PXDNL: variants seen among roughly 807,000 people sequenced by gnomAD.
PXDNL encodes peroxidasin like, also known as probable oxidoreductase PXDNL.
A neutral mutation model predicts 150.8 loss-of-function variants in PXDNL; 145 were observed. The observed-to-expected ratio is 0.96, with a 90% confidence interval of 0.84 to 1.10. PXDNL has a LOEUF of 1.10. Among genes scored for constraint, PXDNL ranks in the 50% least tolerant of loss-of-function variants. The pLI, the probability that PXDNL is intolerant of heterozygous loss-of-function variation, is 0.00. For synonymous variants in PXDNL, 757 were observed against 725.7 expected, an observed-to-expected ratio of 1.04 and a Z score of -0.69; for missense variants, 2,087 against 1,873.9, an observed-to-expected ratio of 1.11 and a Z score of -2.10.
intron 1 of PXDNL, among the ~76,000 whole-genome samples, chr8:51,696,388 A>T (rs1816125796): frequency 6.6e-6 from 1 of 152,236 alleles, no homozygotes; most frequent in Admixed American, 6.5e-5. Context: ...CAAGCCAAGA[A>T]GATTCTCACT....
chr8:51,581,586 G>A (rs542184466), intron 3 of PXDNL, among the ~76,000 whole-genome samples: 10 of 151,900 alleles, frequency 6.6e-5, no homozygotes, highest in East Asian at 1.9e-4. Context: ...AGTTATCTTC[G>A]TGAGAAATTC....
At chr8:51,448,814 C>T (rs1028728359) in intron 11 of PXDNL, among the ~76,000 whole-genome samples, 188 bp downstream of exon 11, 6 of 152,178 alleles carry the variant, frequency 3.9e-5, no homozygotes, top group Non-Finnish European at 1.5e-5. Context: ...AGGCCACACA[C>T]TCAAATGCCA....
At chr8:51,672,987 G>A (rs1247162821) in intron 1 of PXDNL, among the ~76,000 whole-genome samples, 1 of 152,142 alleles carries the variant, frequency 6.6e-6, no homozygotes, top group Non-Finnish European at 1.5e-5. Flanking sequence ...TTCAGATGGT[G>A]CAATGCAGAT....
intron 6 of PXDNL, 41 bp from the exon 7 acceptor site, chr8:51,475,182 A>T (rs112630208): frequency 1.3e-6 from 2 of 1,545,882 alleles, no homozygotes; most frequent in Non-Finnish European, 1.8e-6. Flanking sequence ...AAAAGGGACT[A>T]TTAATTTCTA....
intron 3 of PXDNL, among the ~76,000 whole-genome samples, chr8:51,585,149 G>A (rs1015607020): frequency 1.3e-5 from 2 of 152,156 alleles, no homozygotes; most frequent in Admixed American, 1.3e-4. Context: ...GGGAAAGTAA[G>A]GAGTGCGTTT....
intron 1 of PXDNL, among the ~76,000 whole-genome samples, chr8:51,764,942 T>C (rs1011917356): frequency 6.6e-6 from 1 of 152,090 alleles, no homozygotes; most frequent in Non-Finnish European, 1.5e-5. Context: ...GTTTAATCTG[T>C]TTTTGTTGCA....
chr8:51,661,822 A>G (rs1411964788), intron 1 of PXDNL, among the ~76,000 whole-genome samples: 1 of 151,180 alleles, frequency 6.6e-6, no homozygotes, highest in African/African-American at 2.4e-5. Context: ...GGCAGGTGGC[A>G]GTGGGGTGAT....
intron 2 of PXDNL, among the ~76,000 whole-genome samples, chr8:51,630,189 A>T (rs892332112): frequency 6.6e-6 from 1 of 152,308 alleles, no homozygotes; most frequent in African/African-American, 2.4e-5. Context: ...GTGGGAAATT[A>T]CTTCCTATTC....
intron 2 of PXDNL, among the ~76,000 whole-genome samples, chr8:51,634,266 C>T (rs570146636): frequency 6.6e-6 from 1 of 151,766 alleles, no homozygotes; most frequent in East Asian, 1.9e-4. Context: ...TTGTTGTTGG[C>T]TTTTTCAAAG....
chr8:51,653,531 G>A (rs1815084040), intron 2 of PXDNL, among the ~76,000 whole-genome samples: 1 of 152,134 alleles, frequency 6.6e-6, no homozygotes, highest in Non-Finnish European at 1.5e-5. Context: ...AGCACTCCAG[G>A]AAATGTTTTC....
intron 19 of PXDNL, among the ~76,000 whole-genome samples, chr8:51,369,063 T>A (rs1326617414): frequency 1.3e-5 from 2 of 151,930 alleles, no homozygotes; most frequent in African/African-American, 4.8e-5. Context: ...AGTCTGAGAG[T>A]GAGATTAGCA....
intron 2 of PXDNL, among the ~76,000 whole-genome samples, chr8:51,639,497 G>T (rs1173412762): frequency 6.6e-6 from 1 of 151,852 alleles, no homozygotes; most frequent in Non-Finnish European, 1.5e-5. Context: ...TCAAATAGAC[G>T]CATTAAAAAA....
chr8:51,362,513 A>G (rs149239051), intron 19 of PXDNL, among the ~76,000 whole-genome samples: 1 of 152,384 alleles, frequency 6.6e-6, no homozygotes, highest in Non-Finnish European at 1.5e-5. Context: ...AATTTACATA[A>G]CAAGTCAAAC....
chr8:51,484,661 C>A (rs2130178833), intron 5 of PXDNL, among the ~76,000 whole-genome samples: 1 of 152,262 alleles, frequency 6.6e-6, no homozygotes, highest in East Asian at 1.9e-4. Context: ...CAGAGAGGTG[C>A]ACTTATGAGG....
At chr8:51,762,787 C>A (rs1205664788) in intron 1 of PXDNL, among the ~76,000 whole-genome samples, 1 of 152,176 alleles carries the variant, frequency 6.6e-6, no homozygotes, top group East Asian at 1.9e-4. Context: ...GGGCCATCGT[C>A]ACTCATATTT....
intron 8 of PXDNL, among the ~76,000 whole-genome samples, chr8:51,460,890 T>C (rs1407067971): frequency 1.3e-5 from 2 of 152,118 alleles, no homozygotes; most frequent in Non-Finnish European, 2.9e-5. Flanking sequence ...TCTGAGTCAC[T>C]CCAGCCCCTG....
chr8:51,464,745 C>T (rs1326214367), intron 8 of PXDNL, among the ~76,000 whole-genome samples: 1 of 152,072 alleles, frequency 6.6e-6, no homozygotes, highest in Admixed American at 6.6e-5. Context: ...GGAGGGATAG[C>T]ATTAGGAGAA....
At chr8:51,548,936 A>G (rs899966613) in intron 4 of PXDNL, among the ~76,000 whole-genome samples, 5 of 152,172 alleles carry the variant, frequency 3.3e-5, no homozygotes, top group Non-Finnish European at 7.4e-5. Context: ...CAAGAGATCC[A>G]CCTAACACAT....
intron 1 of PXDNL, among the ~76,000 whole-genome samples, chr8:51,714,428 G>A (rs1443740449): frequency 3.9e-5 from 6 of 152,116 alleles, no homozygotes; most frequent in Non-Finnish European, 8.8e-5. Flanking sequence ...AGAGCAAACA[G>A]ACACTTCAGT....
Sources: allele counts gnomAD v4.1 joint callset (sites outside exome capture counted in the v4.1 genomes callset), GRCh38; gene constraint gnomAD v4.1.1; transcripts MANE v1.5; gene names NCBI Gene and HGNC (gene_info 2026-07-23, HGNC 2026-07-21).